KCNQ1OT1: variants seen among roughly 807,000 people sequenced by gnomAD.
KCNQ1OT1 encodes the protein KCNQ1 antisense RNA 2 (non-protein coding).
Position 2,661,812 on chromosome 11 carries a change from C to A in KCNQ1OT1, n.38183G>T. ...CATCTTAAACACCCACCCACCCCAACACCCAACTATAAAACTGATTGTCAG... is the reference window on the plus strand; with the variant it reads ...CATCTTAAACACCCACCCACCCCAAAACCCAACTATAAAACTGATTGTCAG... On this transcript the variant is annotated non_coding_transcript_exon_variant, in exon 1 of 1. Coordinates refer to ENST00000597346, the Ensembl canonical transcript of KCNQ1OT1. The surrounding 1 kb of genome is among the most constrained non-coding windows in gnomAD (Gnocchi z 5.9). The A allele has an allele frequency of 4.4e-5, 40 of 905,148 alleles. No homozygotes were observed. Among genetic ancestry groups the A allele is most frequent in the Non-Finnish European group, 6.7e-5 (38 of 567,920 alleles). 56.1% of individuals were successfully genotyped at this position (905,148 alleles called of 1,614,324 possible).
In KCNQ1OT1 at chr11:2,674,702, G is replaced by C. The variant is rs1850260153; in HGVS notation, n.25293C>G. ...GTTTGTTGAACCTTAAACCTTTCCT[G>C]ATGACTCCTTCCTTCTGAACTTAAC... is the stretch of plus-strand genomic sequence containing the variant. On this transcript the variant is annotated non_coding_transcript_exon_variant, in exon 1 of 1. Coordinates refer to ENST00000597346, the Ensembl canonical transcript of KCNQ1OT1. This position sits in a 1 kb window ranked among gnomAD's most constrained non-coding sequence, Gnocchi z 5.9. 2.5e-6 allele frequency: 1 copy of C among 398,328 alleles called. No individual in the cohort carries two copies. The highest frequency in any genetic ancestry group is 2.1e-5 in the African/African-American group (1 of 48,560). 24.7% of individuals were successfully genotyped at this position (398,328 alleles called of 1,614,324 possible). A position where few individuals can be genotyped will look rare whatever the true frequency, so the allele number is the denominator to read the frequency against.
exon 1 of KCNQ1OT1, chr11:2,684,390 T>C (rs1850449372): frequency 7.5e-6 from 3 of 398,458 alleles, no homozygotes; most frequent in East Asian, 3.6e-5. Flanking sequence ...TCCAGTGGGG[T>C]CCATCCCCCT....
rs1849159891 is a variant in KCNQ1OT1 at position 2,620,945 on chromosome 11, T to TCTG, written n.79049_79050insCAG. 2 of 305,998 alleles carry TCTG rather than the reference T, an allele frequency of 6.5e-6. No individual in the cohort carries two copies. The highest frequency in any genetic ancestry group is 1.1e-5 in the Non-Finnish European group (2 of 188,164). The allele number at this position is 305,998 out of a possible 1,614,324, so 19.0% of individuals were successfully genotyped here. ...TGTTTTTTTGTTGTTGTTGTTTTGTTTTGTTTTTTTTTGTCTGTTTTTTGC... is the reference window on the plus strand; with the variant it reads ...TGTTTTTTTGTTGTTGTTGTTTTGTTCTGTTGTTTTTTTTTGTCTGTTTTTTGC... On this transcript the variant is annotated non_coding_transcript_exon_variant, in exon 1 of 1. Transcript: ENST00000597346. The surrounding 1 kb of genome is among the most constrained non-coding windows in gnomAD (Gnocchi z 4.5).
chr11:2,672,365 ACAGGCTGATATGATTGAGCT>A (rs914400924), exon 1 of KCNQ1OT1: 44 of 398,324 alleles, frequency 1.1e-4, no homozygotes, highest in African/African-American at 4.5e-4. Context: ...GGCAGCCTTC[ACAGGCTGATATGATTGAGCT>A]CAGGCTGGTA....
chr11:2,648,742 A>T (rs1849706344), exon 1 of KCNQ1OT1: 1 of 398,406 alleles, frequency 2.5e-6, no homozygotes, highest in African/African-American at 2.1e-5. Context: ...CAGCAGTTCA[A>T]ATCTAATATT....
At position 2,691,813 on chromosome 11, in the gene KCNQ1OT1, G is replaced by T. The variant is rs1850593155; in HGVS notation, n.8182C>A. The T allele has an allele frequency of 2.5e-6, 1 of 398,532 alleles. No individual in the cohort carries two copies. Among genetic ancestry groups the T allele is most frequent in the African/African-American group, 2.1e-5 (1 of 48,600 alleles). The allele number at this position is 398,532 out of a possible 1,614,324, so 24.7% of individuals were successfully genotyped here. On this transcript the variant is annotated non_coding_transcript_exon_variant, in exon 1 of 1. Coordinates refer to ENST00000597346, the Ensembl canonical transcript of KCNQ1OT1. The surrounding 1 kb of genome is among the most constrained non-coding windows in gnomAD (Gnocchi z 6.4). ...AGCAATCAGAGAATCACAAGCACTG[G>T]ATCCAATGTGACCTCTGCCAGGACC... is the stretch of plus-strand genomic sequence containing the variant.
At chr11:2,649,212 A>G in exon 1 of KCNQ1OT1, 1 of 398,216 alleles carries the variant, frequency 2.5e-6, no homozygotes, top group East Asian at 3.6e-5. Flanking sequence ...ACCTACATTC[A>G]AGATTGTTAT....
chr11:2,688,103 G>A, exon 1 of KCNQ1OT1: 1 of 398,914 alleles, frequency 2.5e-6, no homozygotes, highest in Non-Finnish European at 4.4e-6. Context: ...GTCAGGCAGG[G>A]GACCTGGTGG....
In KCNQ1OT1 at chr11:2,659,249, C is replaced by G. The variant is rs1452066624; in HGVS notation, n.40746G>C. 5.0e-6 allele frequency: 2 copies of G among 398,474 alleles called. No individual in the cohort carries two copies. The highest frequency in any genetic ancestry group is 4.1e-5 in the African/African-American group (2 of 48,618). 24.7% of individuals were successfully genotyped at this position (398,474 alleles called of 1,614,324 possible). On this transcript the variant is annotated non_coding_transcript_exon_variant, in exon 1 of 1. Coordinates refer to ENST00000597346, the Ensembl canonical transcript of KCNQ1OT1. This position sits in a 1 kb window ranked among gnomAD's most constrained non-coding sequence, Gnocchi z 4.3. ...CCCCTAAAAATACCCTGGGGTGAGT[C>G]TTTTGAAGTCAAGTACTTCTCCCCT...
chr11:2,660,703 C>CCTTCATTCGGGCTTCATTCAACA (rs1415175886), exon 1 of KCNQ1OT1: 7 of 398,632 alleles, frequency 1.8e-5, no homozygotes, highest in Middle Eastern at 6.3e-4. Context: ...GTGCTGACAA[C>CCTTCATTCGGGCTTCATTCAACA]CTTCATTCGG....
In KCNQ1OT1 at chr11:2,669,108, C is replaced by A. The variant is rs1028581496; in HGVS notation, n.30887G>T. 1 of 398,586 alleles carries A rather than the reference C, an allele frequency of 2.5e-6. No homozygotes were observed. Among genetic ancestry groups the A allele is most frequent in the Non-Finnish European group, 4.4e-6 (1 of 226,128 alleles). The allele number at this position is 398,586 out of a possible 1,614,324, so 24.7% of individuals were successfully genotyped here. ...GTCTTTACAATCAGCTCACTGGCTA[C>A]GTGTGGCTCTGTTTCTGGACCCTAT... is the stretch of plus-strand genomic sequence containing the variant. On this transcript the variant is annotated non_coding_transcript_exon_variant, in exon 1 of 1. Transcript: ENST00000597346. This position sits in a 1 kb window ranked among gnomAD's most constrained non-coding sequence, Gnocchi z 5.6.
At chr11:2,666,171 G>A (rs770166348) in exon 1 of KCNQ1OT1, 6 of 398,536 alleles carry the variant, frequency 1.5e-5, no homozygotes, top group Non-Finnish European at 2.7e-5. Context: ...CCAGCTCGAG[G>A]TTAACAGATA....
At chr11:2,628,217 T>G in exon 1 of KCNQ1OT1, 2 of 398,646 alleles carry the variant, frequency 5.0e-6, no homozygotes, top group East Asian at 3.6e-5. Flanking sequence ...TCTATCGTGT[T>G]TTCCATAATG....
rs80227704 is a variant in KCNQ1OT1 at position 2,641,462 on chromosome 11, T to G, written n.58533A>C. On this transcript the variant is annotated non_coding_transcript_exon_variant, in exon 1 of 1. Coordinates refer to ENST00000597346, the Ensembl canonical transcript of KCNQ1OT1. ...TTTGAGAAATATCTATCCATGTCTTTTGCTCACTTTTTATTGGAATTAATT... is the reference window on the plus strand; with the variant it reads ...TTTGAGAAATATCTATCCATGTCTTGTGCTCACTTTTTATTGGAATTAATT... 213 of 398,456 alleles carry G rather than the reference T, an allele frequency of 5.3e-4. 2 individuals are homozygous for G. The East Asian group carries it at 7.6e-3, about 14-fold the overall frequency. 24.7% of individuals were successfully genotyped at this position (398,456 alleles called of 1,614,324 possible). A position where few individuals can be genotyped will look rare whatever the true frequency, so the allele number is the denominator to read the frequency against.
exon 1 of KCNQ1OT1, chr11:2,630,924 A>G (rs911019405): frequency 5.0e-6 from 2 of 398,472 alleles, no homozygotes; most frequent in Non-Finnish European, 8.8e-6. Context: ...CTGGCCTGGA[A>G]AGTTTTTGCT....
At chr11:2,637,555 G>A (rs1266141108) in exon 1 of KCNQ1OT1, 1 of 152,202 alleles carries the variant, frequency 6.6e-6, no homozygotes. Context: ...GAGACAGTTT[G>A]TTATAGTTTC....
rs1028445969 is a variant in KCNQ1OT1 at position 2,696,299 on chromosome 11, A to C, written n.3696T>G. ...GTCTACTTTTCCTAGGGGCTCAGTTAGGAATCCATATTCCTATTCCTCCAT... is the reference window on the plus strand; with the variant it reads ...GTCTACTTTTCCTAGGGGCTCAGTTCGGAATCCATATTCCTATTCCTCCAT... On this transcript the variant is annotated non_coding_transcript_exon_variant, in exon 1 of 1. Coordinates refer to ENST00000597346, the Ensembl canonical transcript of KCNQ1OT1. 7.5e-6 allele frequency: 3 copies of C among 398,526 alleles called. No individual in the cohort carries two copies. In the East Asian group the frequency reaches 1.1e-4, roughly 14 times the overall value. 24.7% of individuals were successfully genotyped at this position (398,526 alleles called of 1,614,324 possible).
Position 2,661,551 on chromosome 11 carries a change from T to C in KCNQ1OT1, n.38444A>G, listed in dbSNP as rs1590014501. 1.9e-6 allele frequency: 1 copy of C among 528,674 alleles called. No individual in the cohort carries two copies. The highest frequency in any genetic ancestry group is 3.3e-6 in the Non-Finnish European group (1 of 298,930). The allele number at this position is 528,674 out of a possible 1,614,324, so 32.7% of individuals were successfully genotyped here. A position where few individuals can be genotyped will look rare whatever the true frequency, so the allele number is the denominator to read the frequency against. ...CTTTCCTGACCCACTACTCTGTCAA[T>C]GTATGAGTGTGACAATGTATGGTGG... On this transcript the variant is annotated non_coding_transcript_exon_variant, in exon 1 of 1. Coordinates refer to ENST00000597346, the Ensembl canonical transcript of KCNQ1OT1. The surrounding 1 kb of genome is among the most constrained non-coding windows in gnomAD (Gnocchi z 5.9).
In KCNQ1OT1 at chr11:2,683,544, T is replaced by C. The variant is rs2133883454; in HGVS notation, n.16451A>G. 5.0e-6 allele frequency: 2 copies of C among 398,510 alleles called. No individual in the cohort carries two copies. The highest frequency in any genetic ancestry group is 3.6e-5 in the East Asian group (1 of 28,080). The allele number at this position is 398,510 out of a possible 1,614,324, so 24.7% of individuals were successfully genotyped here. A position where few individuals can be genotyped will look rare whatever the true frequency, so the allele number is the denominator to read the frequency against. On this transcript the variant is annotated non_coding_transcript_exon_variant, in exon 1 of 1. Coordinates refer to ENST00000597346, the Ensembl canonical transcript of KCNQ1OT1. The surrounding 1 kb of genome is among the most constrained non-coding windows in gnomAD (Gnocchi z 4.7). ...AGAGTAAACATTTCTAAAAAAGAGG[T>C]AGAAGCCCCTACCTACTGACTGGCA... is the stretch of plus-strand genomic sequence containing the variant.
Sources: gnomAD v4.1 joint callset for allele counts on GRCh38, gnomAD v4.1.1 for gene constraint, Gnocchi (gnomAD v3.1) non-coding constraint, MANE v1.5 for transcripts, NCBI Gene and HGNC (gene_info 2026-07-23, HGNC 2026-07-21) for gene names.